PACS1: variants seen among roughly 807,000 people sequenced by gnomAD.
The protein encoded by PACS1 is PACS-1.
In PACS1, 24 loss-of-function variants were observed where a neutral mutation model predicts 115.0. That is an observed-to-expected ratio of 0.21 (90% CI 0.15 to 0.29). PACS1 has a LOEUF of 0.29. Ranked by LOEUF, PACS1 falls within the 10% of genes least tolerant of loss-of-function variation. The pLI is 1.00. For synonymous variants in PACS1, 453 were observed against 504.5 expected, an observed-to-expected ratio of 0.90 and a Z score of 1.37; for missense variants, 838 against 1,251.2, an observed-to-expected ratio of 0.67 and a Z score of 4.98.
intron 1 of PACS1, among the ~76,000 whole-genome samples, chr11:66,159,046 A>C (rs1002607535): frequency 6.6e-6 from 1 of 152,234 alleles, no homozygotes; most frequent in African/African-American, 2.4e-5. Flanking sequence ...CTATAAGATA[A>C]TAGATGAATG....
At chr11:66,138,860 TTTAGTAGAGACAGGGTTTCACCATG>T (rs1418774347) in intron 1 of PACS1, among the ~76,000 whole-genome samples, 1 of 151,990 alleles carries the variant, frequency 6.6e-6, no homozygotes, top group African/African-American at 2.4e-5. Flanking sequence ...TTTTTGTATT[TTTAGTAGAGACAGGGTTTCACCATG>T]TTGGCCAGGA....
At chr11:66,134,254 CTTTTT>C (rs1162472902) in intron 1 of PACS1, among the ~76,000 whole-genome samples, 845 of 75,058 alleles carry the variant, frequency 0.011, 1 homozygote, top group African/African-American at 0.038. Flanking sequence ...TTTTCTTTTT[CTTTTT>C]TTTTTTTTTT....
chr11:66,241,237 C>T lies in PACS1; in HGVS notation c.2430-190C>T, dbSNP rs796131182. On this transcript the variant is annotated intron_variant, in intron 21 of 23. Transcript: ENST00000320580. ...TTTCGTGACTTGGGCCTTTATTCTC[C>T]CCAGCTTTGTTCTCAGATCAGCCTG... is the stretch of plus-strand genomic sequence containing the variant. 7.6e-5 allele frequency: 42 copies of T among 550,666 alleles called. 1 individual carries two copies. The South Asian group carries it at 9.6e-4, about 13-fold the overall frequency. 34.1% of individuals were successfully genotyped at this position (550,666 alleles called of 1,614,324 possible).
chr11:66,220,428 G>A (rs1256052765), intron 8 of PACS1: 2 of 578,698 alleles, frequency 3.5e-6, no homozygotes, highest in Non-Finnish European at 6.2e-6. Context: ...GCGGTGGCAG[G>A]AACTGGGGGG....
At chr11:66,190,734 G>A (rs1444441234) in intron 1 of PACS1, among the ~76,000 whole-genome samples, 1 of 152,214 alleles carries the variant, frequency 6.6e-6, no homozygotes. Context: ...TAGAACCAGA[G>A]TTCCCTGTGG....
intron 1 of PACS1, among the ~76,000 whole-genome samples, chr11:66,142,105 C>G (rs1254703462): frequency 6.6e-6 from 1 of 151,848 alleles, no homozygotes; most frequent in African/African-American, 2.4e-5. Flanking sequence ...TCACCGCTCC[C>G]GGCCAGAGAT....
At chr11:66,141,617 G>A (rs1456720964) in intron 1 of PACS1, among the ~76,000 whole-genome samples, 1 of 149,074 alleles carries the variant, frequency 6.7e-6, no homozygotes, top group Non-Finnish European at 1.5e-5. Context: ...TCACACCACT[G>A]TACTCTAGCC....
chr11:66,225,217 C>A (rs72936672), intron 10 of PACS1, among the ~76,000 whole-genome samples: 36,456 of 152,120 alleles, frequency 0.24, 4,892 homozygotes, highest in South Asian at 0.47. Context: ...CTGACACGGG[C>A]CTACACTCTT....
intron 21 of PACS1, among the ~76,000 whole-genome samples, chr11:66,239,615 G>A (rs941171754): frequency 7.2e-5 from 11 of 152,214 alleles, no homozygotes; most frequent in African/African-American, 2.7e-4. Flanking sequence ...TCACAGTATT[G>A]GGTTGAATGA....
intron 14 of PACS1, among the ~76,000 whole-genome samples, 193 bp from the exon 15 acceptor site, chr11:66,232,767 G>T (rs1360282168): frequency 6.6e-6 from 1 of 152,158 alleles, no homozygotes; most frequent in Non-Finnish European, 1.5e-5. Context: ...CTCACACTCT[G>T]CGTGTCTCGT....
intron 1 of PACS1, among the ~76,000 whole-genome samples, chr11:66,190,529 G>A (rs558513049): frequency 1.4e-4 from 22 of 152,220 alleles, no homozygotes; most frequent in Admixed American, 8.5e-4. Flanking sequence ...GGGTTCAAGC[G>A]ATTCTCCTGC....
intron 11 of PACS1, 25 bp from the exon 12 acceptor site, chr11:66,230,523 C>T: frequency 2.6e-6 from 4 of 1,561,054 alleles, no homozygotes; most frequent in Non-Finnish European, 1.8e-6. Flanking sequence ...AGGTCATCTT[C>T]ACTGTTTCCT....
At chr11:66,117,231 T>C (rs12049852) in intron 1 of PACS1, among the ~76,000 whole-genome samples, 40,965 of 150,532 alleles carry the variant, frequency 0.27, 6,449 homozygotes, top group East Asian at 0.45. Flanking sequence ...GAGGCCTAGG[T>C]GGATAGATCA....
intron 13 of PACS1, 48 bp from the exon 14 acceptor site, chr11:66,232,124 G>T: frequency 8.0e-7 from 1 of 1,243,198 alleles, no homozygotes. Flanking sequence ...CTGTCCTCAG[G>T]CTCCCCAGGG....
chr11:66,216,620 C>A lies in PACS1; in HGVS notation c.897+9C>A. The A allele has an allele frequency of 6.2e-7, 1 of 1,612,616 alleles. No individual in the cohort carries two copies. The highest frequency in any genetic ancestry group is 8.5e-7 in the Non-Finnish European group (1 of 1,178,568). ...ATCCATTGCATGGGCAGGTAACTTT[C>A]TGTGGTCCCTCACATGGCGTGTCCA... is the stretch of plus-strand genomic sequence containing the variant. On this transcript the variant is annotated intron_variant, in intron 6 of 23. Transcript: ENST00000320580.
At chr11:66,080,268 A>G (rs1302978189) in intron 1 of PACS1, among the ~76,000 whole-genome samples, 1 of 152,212 alleles carries the variant, frequency 6.6e-6, no homozygotes, top group African/African-American at 2.4e-5. Context: ...GCTCTGGAGA[A>G]GCAGCAGCAG....
Position 66,210,387 on chromosome 11 carries a change from A to G in PACS1, c.470A>G (p.Asn157Ser), listed in dbSNP as rs757440539. ...LQGSKRILRSNEIVLPASGLV... is the reference protein window; with the variant it reads ...LQGSKRILRSSEIVLPASGLV... ...GGTTCAAAAAGAATTCTTCGCTCCA[A>G]CGAGATCGTCCTTCCAGCTAGTGGA... Residue 157 changes from asparagine to serine, a missense_variant, in exon 3 of 24, where the codon AAC becomes AGC. By Grantham distance (46) the Asn-to-Ser change is conservative. Transcript: ENST00000320580. 1 of 1,613,984 alleles carries G rather than the reference A, an allele frequency of 6.2e-7. No homozygotes were observed. Among genetic ancestry groups the G allele is most frequent in the Non-Finnish European group, 8.5e-7 (1 of 1,179,922 alleles).
intron 1 of PACS1, among the ~76,000 whole-genome samples, chr11:66,161,307 C>G (rs982171867): frequency 6.6e-6 from 1 of 151,990 alleles, no homozygotes; most frequent in Non-Finnish European, 1.5e-5. Context: ...AAAAAATTAG[C>G]CGGGCGTGGT....
At position 66,235,211 on chromosome 11, in the gene PACS1, G is replaced by C. The variant is rs993011293; in HGVS notation, c.2105-90G>C. ...TTCACTCAACTCCTAGAGTCTGACG[G>C]GTCTCAGGAAGGGATCCCTCTCCGA... On this transcript the variant is annotated intron_variant, in intron 17 of 23. Transcript: ENST00000320580. The surrounding 1 kb of genome is among the most constrained non-coding windows in gnomAD (Gnocchi z 5.6). 2 of 887,358 alleles carry C rather than the reference G, an allele frequency of 2.3e-6. No homozygotes were observed. The highest frequency in any genetic ancestry group is 3.7e-6 in the Non-Finnish European group (2 of 534,272). The allele number at this position is 887,358 out of a possible 1,614,324, so 55.0% of individuals were successfully genotyped here. A position where few individuals can be genotyped will look rare whatever the true frequency, so the allele number is the denominator to read the frequency against.
Sources: gnomAD v4.1 joint callset for allele counts (sites outside exome capture counted in the v4.1 genomes callset) on GRCh38, gnomAD v4.1.1 for gene constraint, Gnocchi (gnomAD v3.1) non-coding constraint, MANE v1.5 for transcripts, NCBI Gene and HGNC (gene_info 2026-07-23, HGNC 2026-07-21) for gene names.